Variants in KIRREL3 observed in about 807,000 individuals in gnomAD.
The protein encoded by KIRREL3 is kin of IRRE-like protein 3.
Under a neutral mutation model 89.7 loss-of-function variants are expected in KIRREL3, and 36 were observed. That is an observed-to-expected ratio of 0.40 (90% CI 0.31 to 0.53). KIRREL3 has a LOEUF of 0.53. Among genes scored for constraint, KIRREL3 ranks in the 20% least tolerant of loss-of-function variants. The pLI is 0.49. For missense variants in KIRREL3, 864 were observed against 1,056.6 expected, an observed-to-expected ratio of 0.82 and a Z score of 2.53; for synonymous variants, 445 against 441.4, an observed-to-expected ratio of 1.01 and a Z score of -0.10.
At chr11:126,923,931 C>A (rs1261944850) in intron 1 of KIRREL3, among the ~76,000 whole-genome samples, 1 of 152,212 alleles carries the variant, frequency 6.6e-6, no homozygotes, top group Non-Finnish European at 1.5e-5. Flanking sequence ...GCTTTCCCCC[C>A]AAACCTTCTT....
intron 2 of KIRREL3, among the ~76,000 whole-genome samples, chr11:126,545,509 G>A (rs1353781927): frequency 1.3e-5 from 2 of 152,026 alleles, no homozygotes; most frequent in African/African-American, 2.4e-5. Flanking sequence ...GGTGGCCCAC[G>A]CCTGTAATCC....
rs1018724816 is a variant in KIRREL3, at chr11:126,569,419, C to T, written c.56-6507G>A. Among the ~76,000 whole-genome samples, 17 of 152,074 alleles carry T rather than the reference C, an allele frequency of 1.1e-4. No individual in the cohort carries two copies. The highest frequency in any genetic ancestry group is 1.5e-5 in the Non-Finnish European group (1 of 68,026). ...ACTCTGCTACAAGCATTAATCCTACCCCTCTGGAACCAGGACACATTAATA... is the reference window on the plus strand; with the variant it reads ...ACTCTGCTACAAGCATTAATCCTACTCCTCTGGAACCAGGACACATTAATA... On this transcript the variant is annotated intron_variant, in intron 1 of 16. Coordinates refer to ENST00000525144, the MANE Select transcript of KIRREL3 (RefSeq NM_032531.4). The surrounding 1 kb of genome is among the most constrained non-coding windows in gnomAD (Gnocchi z 6.5).
chr11:126,982,995 ATG>A (rs1201499712), intron 1 of KIRREL3, among the ~76,000 whole-genome samples: 1 of 152,196 alleles, frequency 6.6e-6, no homozygotes, highest in Non-Finnish European at 1.5e-5. Context: ...TCTCTCCCCC[ATG>A]GGACCCAATG....
chr11:126,746,761 T>C (rs571419951), intron 1 of KIRREL3, among the ~76,000 whole-genome samples: 1 of 152,304 alleles, frequency 6.6e-6, no homozygotes, highest in African/African-American at 2.4e-5. Context: ...ATCTCTAACC[T>C]GGAGTATTAC....
In KIRREL3 at chr11:126,476,714, G is replaced by A. The variant is rs1245399595; in HGVS notation, c.434-3248C>T. Among the ~76,000 whole-genome samples the A allele has an allele frequency of 6.6e-6, 1 of 152,124 alleles. No individual in the cohort carries two copies. The highest frequency in any genetic ancestry group is 2.4e-5 in the African/African-American group (1 of 41,412). ...ATGGAGGATGTTTGGGGGCCAGCAG[G>A]CTGAAGAGAAATCAGCAGTCGCTCT... is the stretch of plus-strand genomic sequence containing the variant. On this transcript the variant is annotated intron_variant, in intron 4 of 16. Coordinates refer to ENST00000525144, the MANE Select transcript of KIRREL3 (RefSeq NM_032531.4). This position sits in a 1 kb window ranked among gnomAD's most constrained non-coding sequence, Gnocchi z 6.4.
chr11:126,542,506 G>T lies in KIRREL3; in HGVS notation c.134-15819C>A, dbSNP rs142393993. Among the ~76,000 whole-genome samples the T allele has an allele frequency of 5.3e-3, 808 of 152,188 alleles. 11 individuals carry two copies. The highest frequency in any genetic ancestry group is 0.016 in the African/African-American group (667 of 41,512). ...AATATGGATATGTTTGATGTTCTAGGAATTTTTCATACTTAAAAAAAACAC... is the reference window on the plus strand; with the variant it reads ...AATATGGATATGTTTGATGTTCTAGTAATTTTTCATACTTAAAAAAAACAC... On this transcript the variant is annotated intron_variant, in intron 2 of 16. Coordinates refer to ENST00000525144, the MANE Select transcript of KIRREL3 (RefSeq NM_032531.4).
intron 1 of KIRREL3, among the ~76,000 whole-genome samples, chr11:126,810,667 G>C (rs1026031231): frequency 6.6e-6 from 1 of 152,188 alleles, no homozygotes; most frequent in African/African-American, 2.4e-5. Flanking sequence ...CTTGCAGCCA[G>C]AGGTCTTTAC....
intron 1 of KIRREL3, among the ~76,000 whole-genome samples, chr11:126,835,641 T>C (rs1416604785): frequency 1.3e-5 from 2 of 152,174 alleles, no homozygotes; most frequent in African/African-American, 4.8e-5. Context: ...CAAAGTGCTA[T>C]GGGGGCTCAG....
chr11:126,602,521 C>T (rs1942706102), intron 1 of KIRREL3, among the ~76,000 whole-genome samples: 1 of 152,172 alleles, frequency 6.6e-6, no homozygotes, highest in Admixed American at 6.5e-5. Context: ...AGGGAGAGGC[C>T]CAGAGAGGTC....
intron 2 of KIRREL3, among the ~76,000 whole-genome samples, chr11:126,560,979 T>A (rs374980454): frequency 6.6e-6 from 1 of 152,368 alleles, no homozygotes; most frequent in African/African-American, 2.4e-5. Context: ...TTATTTTGAG[T>A]ATTGGTATGA....
rs1261417384 is a variant in KIRREL3 at position 126,703,928 on chromosome 11, C to T, written c.56-141016G>A. The stretch of plus-strand genomic sequence containing the variant: ...GACATCTACATACCTTGCATTCCTC[C>T]CCTTTCACAGAAAGGAAGAAGAAAT... On this transcript the variant is annotated intron_variant, in intron 1 of 16. Coordinates refer to ENST00000525144, the MANE Select transcript of KIRREL3 (RefSeq NM_032531.4). The surrounding 1 kb of genome is among the most constrained non-coding windows in gnomAD (Gnocchi z 4.6). Among the ~76,000 whole-genome samples the T allele has an allele frequency of 3.0e-5, 4 of 133,568 alleles. No individual in the cohort carries two copies. The highest frequency in any genetic ancestry group is 7.8e-5 in the Admixed American group (1 of 12,766). The allele number at this position is 133,568 out of a possible 152,430, so 87.6% of individuals were successfully genotyped here. A position where few individuals can be genotyped will look rare whatever the true frequency, so the allele number is the denominator to read the frequency against.
rs950330779 is a variant in KIRREL3 at position 126,677,961 on chromosome 11, C to T, written c.56-115049G>A. On this transcript the variant is annotated intron_variant, in intron 1 of 16. Transcript: ENST00000525144. This position sits in a 1 kb window ranked among gnomAD's most constrained non-coding sequence, Gnocchi z 5.1. The stretch of plus-strand genomic sequence containing the variant: ...TGTCAGGCCCTGGGACCCAGAGACA[C>T]ACCCCGTCCCCAGGCTCCAGCTTCA... 1.5e-4 allele frequency among the ~76,000 whole-genome samples: 23 copies of T among 152,172 alleles called. No homozygotes were observed. The highest frequency in any genetic ancestry group is 2.6e-4 in the Non-Finnish European group (18 of 68,026).
In KIRREL3 at chr11:126,668,470, T is replaced by C. The variant is rs1945764384; in HGVS notation, c.56-105558A>G. ...TGGCTTTTCCTCTCCCCAGACAGCT[T>C]CCCTTTCCCCACAGTCCAACCGGCT... On this transcript the variant is annotated intron_variant, in intron 1 of 16. Coordinates refer to ENST00000525144, the MANE Select transcript of KIRREL3 (RefSeq NM_032531.4). This position sits in a 1 kb window ranked among gnomAD's most constrained non-coding sequence, Gnocchi z 4.4. 6.6e-6 allele frequency among the ~76,000 whole-genome samples: 1 copy of C among 152,130 alleles called. No homozygotes were observed.
rs956065020 is a variant in KIRREL3 at position 126,562,867 on chromosome 11, A to G, written c.101T>C (p.Met34Thr). ...KRGCCLVLGY[M>T]AKDKFRRMNE... The stretch of plus-strand genomic sequence containing the variant: ...CATTCTCCGAAACTTGTCCTTGGCC[A>G]TGTAGCCCAGCACCAGACAGCATCC... Residue 34 changes from methionine (M) to threonine (T), a missense_variant, in exon 2 of 17, where the codon ATG becomes ACG. Coordinates refer to ENST00000525144, the MANE Select transcript of KIRREL3 (RefSeq NM_032531.4). This position sits in a 1 kb window ranked among gnomAD's most constrained non-coding sequence, Gnocchi z 4.7. The G allele has an allele frequency of 4.3e-6, 7 of 1,613,716 alleles. No individual in the cohort carries two copies. The highest frequency in any genetic ancestry group is 3.3e-5 in the Admixed American group (2 of 59,978).
intron 1 of KIRREL3, among the ~76,000 whole-genome samples, chr11:126,678,685 T>C (rs181897824): frequency 1.2e-3 from 174 of 145,490 alleles, no homozygotes; most frequent in Non-Finnish European, 2.1e-3. Flanking sequence ...CCCTTGCTGG[T>C]AAGGGAGTGA....
In KIRREL3 at chr11:126,441,251, ATAT is replaced by A. The variant is rs1955552416; in HGVS notation, c.1253-705_1253-703del. Among the ~76,000 whole-genome samples, 1 of 152,156 alleles carries A rather than the reference ATAT, an allele frequency of 6.6e-6. No individual in the cohort carries two copies. Among genetic ancestry groups the A allele is most frequent in the East Asian group, 1.9e-4 (1 of 5,194 alleles). ...GGCCATGGCTCCCAAACTGACCCCA[ATAT>A]TATCATATCACAGAGTGTGGCACAT... On this transcript the variant is annotated intron_variant, in intron 10 of 16. Coordinates refer to ENST00000525144, the MANE Select transcript of KIRREL3 (RefSeq NM_032531.4). This position sits in a 1 kb window ranked among gnomAD's most constrained non-coding sequence, Gnocchi z 5.0.
In KIRREL3 at chr11:126,906,123, C is replaced by T. The variant is rs200245721; in HGVS notation, c.55+94332G>A. 6.4e-4 allele frequency among the ~76,000 whole-genome samples: 98 copies of T among 152,354 alleles called. No individual in the cohort carries two copies. The East Asian group carries it at 0.015, about 23-fold the overall frequency. On this transcript the variant is annotated intron_variant, in intron 1 of 16. Coordinates refer to ENST00000525144, the MANE Select transcript of KIRREL3 (RefSeq NM_032531.4). The surrounding 1 kb of genome is among the most constrained non-coding windows in gnomAD (Gnocchi z 4.1). ...CAGCAGGAGCACACTCCAGCCCATC[C>T]TGCCCCTCTCTGAATTCCCTCACTC...
intron 4 of KIRREL3, among the ~76,000 whole-genome samples, chr11:126,514,161 C>T (rs543276489): frequency 7.9e-5 from 12 of 152,152 alleles, no homozygotes; most frequent in Admixed American, 2.6e-4. Context: ...ACAATAGCTC[C>T]GACACAGCTC....
intron 5 of KIRREL3, among the ~76,000 whole-genome samples, chr11:126,465,438 C>T (rs1447695175): frequency 6.6e-6 from 1 of 152,148 alleles, no homozygotes; most frequent in Non-Finnish European, 1.5e-5. Flanking sequence ...ACGGTGGGTA[C>T]CGTGCTCTTG....
Sources: allele counts gnomAD v4.1 joint callset (sites outside exome capture counted in the v4.1 genomes callset), GRCh38; gene constraint gnomAD v4.1.1; non-coding constraint Gnocchi (gnomAD v3.1); transcripts MANE v1.5; gene names NCBI Gene and HGNC (gene_info 2026-07-23, HGNC 2026-07-21).